SRGAP1: variants seen among roughly 807,000 people sequenced by gnomAD.
SRGAP1 encodes the protein SLIT-ROBO Rho GTPase-activating protein 1.
In SRGAP1, 43 loss-of-function variants were observed where a neutral mutation model predicts 121.9. The observed-to-expected ratio is 0.35, with a 90% confidence interval of 0.28 to 0.46. The LOEUF (loss-of-function observed/expected upper bound fraction) is 0.46. Ranked by LOEUF, SRGAP1 falls within the 20% of genes least tolerant of loss-of-function variation. The pLI is 1.00. For missense variants in SRGAP1, 1,102 were observed against 1,350.9 expected, an observed-to-expected ratio of 0.82 and a Z score of 2.89; for synonymous variants, 447 against 485.4, an observed-to-expected ratio of 0.92 and a Z score of 1.04.
At chr12:64,116,685 CT>C (rs1167557782) in intron 18 of SRGAP1, among the ~76,000 whole-genome samples, 1 of 152,148 alleles carries the variant, frequency 6.6e-6, no homozygotes, top group Admixed American at 6.6e-5. Flanking sequence ...AAGAACAGTG[CT>C]GCTATGCACT....
At chr12:63,919,523 CACAT>C (rs1368512706) in intron 1 of SRGAP1, among the ~76,000 whole-genome samples, 8 of 129,376 alleles carry the variant, frequency 6.2e-5, no homozygotes, top group African/African-American at 2.5e-4. Flanking sequence ...TATATATATA[CACAT>C]ACACACACAC....
chr12:64,078,798 G>C (rs1283746850), intron 8 of SRGAP1, 121 bp from the exon 9 acceptor site: 1 of 910,304 alleles, frequency 1.1e-6, no homozygotes, highest in East Asian at 2.6e-5. Context: ...TCTCCTAATA[G>C]ACTGTGAATT....
rs899380116 is a variant in SRGAP1 at position 64,148,183 on chromosome 12, C to T, written c.*5511C>T. 6.6e-6 allele frequency: 1 copy of T among 152,100 alleles called. No individual in the cohort carries two copies. Among genetic ancestry groups the T allele is most frequent in the Non-Finnish European group, 1.5e-5 (1 of 68,124 alleles). 9.4% of individuals were successfully genotyped at this position (152,100 alleles called of 1,614,324 possible). On this transcript the variant is annotated 3_prime_UTR_variant, in exon 22 of 22. Transcript: ENST00000355086. Reference sequence around the variant, plus strand: ...TTTTGAGAAAGACTCTAGTTAACCACGGCAAGCCCATCTTTGGTTTCATTT... The same window carrying T: ...TTTTGAGAAAGACTCTAGTTAACCATGGCAAGCCCATCTTTGGTTTCATTT...
At chr12:64,066,058 C>T (rs942357767) in intron 8 of SRGAP1, among the ~76,000 whole-genome samples, 1 of 152,136 alleles carries the variant, frequency 6.6e-6, no homozygotes, top group Non-Finnish European at 1.5e-5. Flanking sequence ...TCAAGGCTCC[C>T]AATTGTAATT....
Position 64,111,930 on chromosome 12 carries a change from T to A in SRGAP1, c.2088T>A (p.Asp696Glu), listed in dbSNP as rs1013364632. 1.9e-5 allele frequency: 31 copies of A among 1,614,088 alleles called. No homozygotes were observed. The highest frequency in any genetic ancestry group is 2.6e-5 in the Non-Finnish European group (31 of 1,179,986). ...IIIHHETIFP[D>E]AKELDGPVYE... ...TCCACCATGAGACTATTTTCCCAGATGCTAAAGAGCTGGATGGCCCTGTTT... is the reference window on the plus strand; with the variant it reads ...TCCACCATGAGACTATTTTCCCAGAAGCTAAAGAGCTGGATGGCCCTGTTT... Residue 696 changes from aspartate (D) to glutamate (E), a missense_variant, in exon 17 of 22, where the codon GAT (aspartate) becomes GAA (glutamate). Coordinates refer to ENST00000355086, the MANE Select transcript of SRGAP1 (RefSeq NM_020762.4).
intron 1 of SRGAP1, among the ~76,000 whole-genome samples, chr12:63,853,601 A>G (rs766310313): frequency 3.9e-5 from 6 of 152,254 alleles, no homozygotes; most frequent in African/African-American, 4.8e-5. Context: ...AGCTAACAGT[A>G]TTGAGCACCT....
intron 1 of SRGAP1, among the ~76,000 whole-genome samples, chr12:63,917,601 A>G (rs757852461): frequency 7.4e-6 from 1 of 135,238 alleles, no homozygotes; most frequent in Admixed American, 8.0e-5. Flanking sequence ...GTCATCATCT[A>G]GGATGTGAAA....
At chr12:64,051,872 T>C (rs763369988) in intron 6 of SRGAP1, among the ~76,000 whole-genome samples, 7 of 152,190 alleles carry the variant, frequency 4.6e-5, no homozygotes, top group Non-Finnish European at 7.3e-5. Context: ...GGAGGTCTAC[T>C]GAAATGTATT....
At chr12:63,898,421 A>G (rs1374512315) in intron 1 of SRGAP1, among the ~76,000 whole-genome samples, 1 of 152,232 alleles carries the variant, frequency 6.6e-6, no homozygotes, top group Non-Finnish European at 1.5e-5. Context: ...TTCCTTGGAC[A>G]TTTAATGTAT....
chr12:63,891,070 G>A (rs867844275), intron 1 of SRGAP1, among the ~76,000 whole-genome samples: 1 of 152,108 alleles, frequency 6.6e-6, no homozygotes, highest in African/African-American at 2.4e-5. Flanking sequence ...TCCTCTTCAG[G>A]GGTCTGGCCA....
At chr12:63,885,225 A>G (rs1032605108) in intron 1 of SRGAP1, among the ~76,000 whole-genome samples, 4 of 152,142 alleles carry the variant, frequency 2.6e-5, no homozygotes, top group South Asian at 2.1e-4. Flanking sequence ...ACCAGATTCA[A>G]CTTGGGGTTC....
rs892429699 is a variant in SRGAP1, at chr12:64,160,135, T to C, written c.*17463T>C. On this transcript the variant is annotated 3_prime_UTR_variant, in exon 22 of 22. Coordinates refer to ENST00000355086, the MANE Select transcript of SRGAP1 (RefSeq NM_020762.4). ...GGCATTTGACCTGTTTCAGTATGGATAAGTTGTTCTCTAAGTCTACTGCAT... is the reference window on the plus strand; with the variant it reads ...GGCATTTGACCTGTTTCAGTATGGACAAGTTGTTCTCTAAGTCTACTGCAT... 11 of 152,208 alleles carry C rather than the reference T, an allele frequency of 7.2e-5. No individual in the cohort carries two copies. The highest frequency in any genetic ancestry group is 2.4e-4 in the African/African-American group (10 of 41,452). The allele number at this position is 152,208 out of a possible 1,614,324, so 9.4% of individuals were successfully genotyped here. A position where few individuals can be genotyped will look rare whatever the true frequency, so the allele number is the denominator to read the frequency against.
chr12:64,052,734 CT>C, intron 6 of SRGAP1, among the ~76,000 whole-genome samples: 1 of 151,972 alleles, frequency 6.6e-6, no homozygotes, highest in East Asian at 1.9e-4. Context: ...TATGATTTAT[CT>C]TTTTGTTCTT....
At chr12:63,855,647 C>G (rs1004329447) in intron 1 of SRGAP1, among the ~76,000 whole-genome samples, 5 of 151,594 alleles carry the variant, frequency 3.3e-5, no homozygotes, top group African/African-American at 1.2e-4. Context: ...ACCACCACAC[C>G]CGGCTGATTT....
chr12:63,894,364 G>C (rs998528064), intron 1 of SRGAP1, among the ~76,000 whole-genome samples: 3 of 151,786 alleles, frequency 2.0e-5, no homozygotes, highest in Non-Finnish European at 2.9e-5. Flanking sequence ...CCCCCTCCTA[G>C]CAACTCTTCC....
At position 64,097,390 on chromosome 12, in the gene SRGAP1, T is replaced by G; in HGVS notation, c.1813+15T>G. The G allele has an allele frequency of 6.2e-7, 1 of 1,604,742 alleles. No homozygotes were observed. Among genetic ancestry groups the G allele is most frequent in the Non-Finnish European group, 8.5e-7 (1 of 1,177,616 alleles). On this transcript the variant is annotated intron_variant, in intron 15 of 21. Transcript: ENST00000355086. ...TTCTTGTATCAGTAAGTGGACATTT[T>G]TTTCATCTTTTCCCACAAGAATTAT... is the stretch of plus-strand genomic sequence containing the variant.
chr12:64,098,786 A>G (rs372716157), intron 15 of SRGAP1, among the ~76,000 whole-genome samples: 31 of 152,288 alleles, frequency 2.0e-4, no homozygotes, highest in African/African-American at 7.0e-4. Flanking sequence ...CTACCCTACC[A>G]TATTTACTGT....
chr12:64,010,740 C>T (rs1213185705), intron 3 of SRGAP1, among the ~76,000 whole-genome samples: 1 of 151,960 alleles, frequency 6.6e-6, no homozygotes, highest in Non-Finnish European at 1.5e-5. Flanking sequence ...AGGACCATCT[C>T]AATAAAACCC....
chr12:63,889,829 C>T (rs1900517559), intron 1 of SRGAP1, among the ~76,000 whole-genome samples: 1 of 151,922 alleles, frequency 6.6e-6, no homozygotes, highest in African/African-American at 2.4e-5. Context: ...AATCACTTGA[C>T]CCCGGGAGGC....
Sources: allele counts gnomAD v4.1 joint callset (sites outside exome capture counted in the v4.1 genomes callset), GRCh38; gene constraint gnomAD v4.1.1; transcripts MANE v1.5; gene names NCBI Gene and HGNC (gene_info 2026-07-23, HGNC 2026-07-21).